POM121C: variants seen among roughly 807,000 people sequenced by gnomAD.
The protein encoded by POM121C is POM121 transmembrane nucleoporin C, also known as nuclear envelope pore membrane protein POM 121C.
In POM121C, 20 loss-of-function variants were observed where a neutral mutation model predicts 66.4. That is an observed-to-expected ratio of 0.30 (90% CI 0.21 to 0.44). The LOEUF (loss-of-function observed/expected upper bound fraction) is 0.44. Ranked by LOEUF, POM121C falls within the 20% of genes least tolerant of loss-of-function variation. The pLI, the probability that POM121C is intolerant of heterozygous loss-of-function variation, is 1.00. For synonymous variants in POM121C, 286 were observed against 528.0 expected, an observed-to-expected ratio of 0.54 and a Z score of 6.28; for missense variants, 580 against 1,225.7, an observed-to-expected ratio of 0.47 and a Z score of 7.87.
intron 3 of POM121C, among the ~76,000 whole-genome samples, chr7:75,470,805 A>C (rs1554478539): frequency 6.6e-6 from 1 of 151,674 alleles, no homozygotes; most frequent in East Asian, 1.9e-4. Context: ...GCTAATTTTT[A>C]AATTTTTTTA....
chr7:75,462,431 C>T (rs1470801076), intron 3 of POM121C, among the ~76,000 whole-genome samples: 1 of 150,488 alleles, frequency 6.6e-6, no homozygotes, highest in African/African-American at 2.4e-5. Context: ...CTGACTAATA[C>T]TCCAAATGAA....
intron 8 of POM121C, 26 bp from the exon 9 acceptor site, chr7:75,425,734 G>C (rs781990749): frequency 6.3e-7 from 1 of 1,591,176 alleles, no homozygotes; most frequent in African/African-American, 1.3e-5. Context: ...GAACAATTTA[G>C]TCTAGAAAGA....
At chr7:75,474,922 T>C (rs2443463) in intron 2 of POM121C, 40 bp from the exon 3 acceptor site, 8 of 1,040,296 alleles carry the variant, frequency 7.7e-6, no homozygotes, top group Admixed American at 1.9e-5. Flanking sequence ...CTTATCAAAG[T>C]TAGAACCTTT....
Position 75,417,114 on chromosome 7 carries a change from G to A in POM121C, c.*1682C>T. The stretch of plus-strand genomic sequence containing the variant: ...CCCTCCAATCCTAACAGGTATTTAG[G>A]CTTGAGGTTCACTCCCTCCTCAGCT... On this transcript the variant is annotated 3_prime_UTR_variant, in exon 15 of 15. Transcript: ENST00000615331. The A allele has an allele frequency of 9.8e-7, 1 of 1,021,562 alleles. No homozygotes were observed. Among genetic ancestry groups the A allele is most frequent in the Non-Finnish European group, 1.2e-6 (1 of 849,370 alleles). The allele number at this position is 1,021,562 out of a possible 1,614,324, so 63.3% of individuals were successfully genotyped here.
rs373096047 is a variant in POM121C, at chr7:75,421,867, G to A, written c.2385C>T (p.Gly795=). 119 of 1,611,550 alleles carry A rather than the reference G, an allele frequency of 7.4e-5. No individual in the cohort carries two copies. The African/African-American group carries it at 9.1e-4, about 12-fold the overall frequency. ...GAPASSQPAF[G]GSTAVFSFGA... The stretch of plus-strand genomic sequence containing the variant: ...CGAAGGAGAAGACAGCAGTGGAGCC[G>A]CCAAAGGCGGGCTGTGAGCTGGCGG... Residue 795 remains glycine (G), a synonymous_variant, in exon 13 of 15, where the codon GGC becomes GGT. Transcript: ENST00000615331.
intron 7 of POM121C, among the ~76,000 whole-genome samples, chr7:75,426,743 A>G: frequency 1.8e-5 from 1 of 56,148 alleles, no homozygotes; most frequent in Non-Finnish European, 3.2e-5. Flanking sequence ...GGCTGCAGTG[A>G]GCTGAGATTG....
chr7:75,438,164 A>T (rs587669151), intron 6 of POM121C, among the ~76,000 whole-genome samples: 2 of 152,348 alleles, frequency 1.3e-5, no homozygotes, highest in Non-Finnish European at 2.9e-5. Context: ...TAAACCTCCA[A>T]TGGAAACAGA....
At chr7:75,442,217 G>A in intron 3 of POM121C, 8 of 1,385,044 alleles carry the variant, frequency 5.8e-6, no homozygotes, top group Non-Finnish European at 6.5e-6. Flanking sequence ...AACGCGATGG[G>A]TCGGCTGGGA....
In POM121C at chr7:75,419,842, T is replaced by C. The variant is rs375467; in HGVS notation, c.2744-400A>G. On this transcript the variant is annotated intron_variant, in intron 13 of 14. Coordinates refer to ENST00000615331, the MANE Select transcript of POM121C (RefSeq NM_001099415.3). ...TCTGAAGCCTGGTTTGTCCGTCCTG[T>C]GTCTTTTGTGATGCCCCGTGGTCCC... is the stretch of plus-strand genomic sequence containing the variant. 857 of 188,562 alleles carry C rather than the reference T, an allele frequency of 4.5e-3. 16 individuals carry two copies. Among genetic ancestry groups the C allele is most frequent in the African/African-American group, 0.019 (778 of 40,420 alleles). The allele number at this position is 188,562 out of a possible 1,614,324, so 11.7% of individuals were successfully genotyped here.
At chr7:75,424,676 A>G in intron 10 of POM121C, 48 bp from the exon 11 acceptor site, 1 of 1,608,350 alleles carries the variant, frequency 6.2e-7, no homozygotes, top group Non-Finnish European at 8.5e-7. Flanking sequence ...AAAAACGGGA[A>G]GGCTGGGCGT....
intron 3 of POM121C, among the ~76,000 whole-genome samples, chr7:75,472,184 C>A (rs1475776234): frequency 6.6e-5 from 10 of 151,570 alleles, no homozygotes; most frequent in African/African-American, 2.4e-4. Flanking sequence ...CCGTGCCTGG[C>A]CATGTTACGT....
intron 1 of POM121C, among the ~76,000 whole-genome samples, chr7:75,479,967 A>G (rs1332787607): frequency 4.0e-5 from 6 of 151,078 alleles, no homozygotes; most frequent in South Asian, 4.2e-4. Context: ...TTTAAAAAGA[A>G]ACAAAGAAGA....
At chr7:75,428,159 G>A (rs1225960512) in intron 7 of POM121C, among the ~76,000 whole-genome samples, 1 of 138,384 alleles carries the variant, frequency 7.2e-6, no homozygotes, top group Admixed American at 7.2e-5. Context: ...TTTTTTTTTT[G>A]AGACGGAGCC....
chr7:75,486,259 A>G lies in POM121C; in HGVS notation c.-853T>C. Reference sequence around the variant, plus strand: ...CTAGAAGCCAAAGCCTGGGAACGAGAGCAAGCGATGACCTGAAGAGGCACA... The same window carrying G: ...CTAGAAGCCAAAGCCTGGGAACGAGGGCAAGCGATGACCTGAAGAGGCACA... On this transcript the variant is annotated 5_prime_UTR_variant, in exon 1 of 15. Coordinates refer to ENST00000615331, the MANE Select transcript of POM121C (RefSeq NM_001099415.3). The G allele has an allele frequency of 1.8e-5, 5 of 275,442 alleles. No homozygotes were observed. Among genetic ancestry groups the G allele is most frequent in the South Asian group, 1.2e-4 (4 of 33,294 alleles). 17.1% of individuals were successfully genotyped at this position (275,442 alleles called of 1,614,324 possible).
At chr7:75,423,969 G>A in intron 12 of POM121C, 80 bp downstream of exon 12, 1 of 1,512,036 alleles carries the variant, frequency 6.6e-7, no homozygotes, top group Non-Finnish European at 9.1e-7. Flanking sequence ...TCCAGCGACT[G>A]ACAGGCACGA....
At chr7:75,437,746 T>TGA (rs1790471120) in intron 6 of POM121C, 60 bp from the exon 7 acceptor site, 1 of 1,511,906 alleles carries the variant, frequency 6.6e-7, no homozygotes, top group African/African-American at 1.4e-5. Context: ...TACGATTTCA[T>TGA]CCACGGTCAT....
chr7:75,477,141 G>C (rs587771232), intron 1 of POM121C, among the ~76,000 whole-genome samples: 1 of 73,280 alleles, frequency 1.4e-5, no homozygotes, highest in South Asian at 4.1e-4. Flanking sequence ...ACACTCTTAT[G>C]CCTCAGTCTT....
chr7:75,437,393 A>G, intron 7 of POM121C, 122 bp downstream of exon 7: 2 of 1,355,274 alleles, frequency 1.5e-6, no homozygotes, highest in Non-Finnish European at 2.0e-6. Flanking sequence ...GGCTCAAGCA[A>G]TCCTCCCGCT....
intron 3 of POM121C, among the ~76,000 whole-genome samples, chr7:75,471,789 C>T (rs1183414401): frequency 4.6e-5 from 7 of 152,190 alleles, no homozygotes; most frequent in Non-Finnish European, 1.0e-4. Context: ...TGACAAAACC[C>T]GACACACAAC....
Sources: allele counts gnomAD v4.1 joint callset (sites outside exome capture counted in the v4.1 genomes callset), GRCh38; gene constraint gnomAD v4.1.1; transcripts MANE v1.5; gene names NCBI Gene and HGNC (gene_info 2026-07-23, HGNC 2026-07-21).